RNASET2: variants seen among roughly 807,000 people sequenced by gnomAD.
RNASET2 encodes the protein ribonuclease T2.
A neutral mutation model predicts 33.9 loss-of-function variants in RNASET2; 28 were observed. The observed-to-expected ratio is 0.83, with a 90% CI of 0.61 to 1.13. The LOEUF (loss-of-function observed/expected upper bound fraction) is 1.13. RNASET2 is among the 50% of genes most tolerant of loss of function. The probability of loss-of-function intolerance (pLI) is 0.00; values close to 1 mark genes in which losing one functional copy is unlikely to be tolerated. For synonymous variants in RNASET2, 123 were observed against 121.0 expected (o/e 1.02, Z -0.11); for missense variants, 330 against 319.9 (o/e 1.03, Z -0.24).
chr6:166,944,464 T>G (rs1778778334), intron 4 of RNASET2, among the ~76,000 whole-genome samples: 1 of 147,868 alleles, frequency 6.8e-6, no homozygotes, highest in Admixed American at 6.7e-5. Context: ...CCCCTCCTCT[T>G]CCCCTCCAGC....
intron 6 of RNASET2, among the ~76,000 whole-genome samples, chr6:166,938,124 C>T (rs950711846): frequency 5.9e-5 from 9 of 152,232 alleles, no homozygotes; most frequent in Admixed American, 4.6e-4. Context: ...AAACAAGCTG[C>T]GTGAATTCCA....
At chr6:166,946,954 G>A (rs1778862024) in intron 3 of RNASET2, 1 of 620,712 alleles carries the variant, frequency 1.6e-6, no homozygotes, top group Non-Finnish European at 2.9e-6. Flanking sequence ...AAGAAATTGT[G>A]TTAAACCGTC....
At position 166,929,612 on chromosome 6, in the gene RNASET2, G is replaced by A. The variant is rs76894173; in HGVS notation, c.747C>T (p.Pro249=). 2.5e-6 allele frequency: 4 copies of A among 1,613,978 alleles called. No individual in the cohort carries two copies. In the African/African-American group the frequency reaches 4.0e-5, roughly 16 times the overall value. ...ATCAATGCTTGGTCTTTTTAGGTGGGGGATAGAAGACTGGGCCATCTTCAC... is the reference window on the plus strand; with the variant it reads ...ATCAATGCTTGGTCTTTTTAGGTGGAGGATAGAAGACTGGGCCATCTTCAC... The part of the protein sequence containing the change: ...RVCEDGPVFY[P]PPKKTKH The change falls in exon 9 of 9, where the codon CCC becomes CCT. Residue 249 remains proline (P), a synonymous_variant. Transcript: ENST00000508775.
At chr6:166,950,364 C>T (rs73041490) in intron 2 of RNASET2, among the ~76,000 whole-genome samples, 6,572 of 152,190 alleles carry the variant, frequency 0.043, 259 homozygotes, top group African/African-American at 0.1. Context: ...GCAGCAGGAG[C>T]GCAACATTAA....
Position 166,925,136 on chromosome 6 carries a change from G to A in RNASET2, c.*4452C>T, listed in dbSNP as rs572744864. On this transcript the variant is annotated 3_prime_UTR_variant, in exon 9 of 9. Transcript: ENST00000508775. ...GCACAGCCCTCACCTCTGCTGCCCA[G>A]GCCTCATCTACGCCATCCAGCCCTC... Among the ~76,000 whole-genome samples the A allele has an allele frequency of 6.0e-5, 9 of 150,748 alleles. No individual in the cohort carries two copies. The highest frequency in any genetic ancestry group is 2.2e-4 in the African/African-American group (9 of 40,526).
At chr6:166,939,768 A>G (rs991232781) in intron 5 of RNASET2, among the ~76,000 whole-genome samples, 21 of 152,250 alleles carry the variant, frequency 1.4e-4, no homozygotes, top group African/African-American at 4.8e-4. Context: ...TTATAGTTTA[A>G]GCATCCATTC....
At chr6:166,938,785 C>A (rs769059805) in intron 6 of RNASET2, 110 bp downstream of exon 6, 2 of 796,972 alleles carry the variant, frequency 2.5e-6, no homozygotes, top group East Asian at 4.9e-5. Flanking sequence ...CATGCAGAAG[C>A]TGCTGGAGGG....
chr6:166,946,448 C>T (rs770240830), intron 4 of RNASET2, among the ~76,000 whole-genome samples: 3 of 152,216 alleles, frequency 2.0e-5, no homozygotes, highest in Non-Finnish European at 4.4e-5. Context: ...CGCTCAGGCC[C>T]CTCATGCAGT....
At position 166,929,413 on chromosome 6, in the gene RNASET2, T is replaced by C; in HGVS notation, c.*175A>G. 2.8e-6 allele frequency: 2 copies of C among 713,842 alleles called. No individual in the cohort carries two copies. The highest frequency in any genetic ancestry group is 1.7e-5 in the South Asian group (1 of 59,314). 44.2% of individuals were successfully genotyped at this position (713,842 alleles called of 1,614,324 possible). ...AGCCACTCAGGCGTGGGAGAGCTCC[T>C]TTCTCCCCGTGTACGCCACATGCAC... On this transcript the variant is annotated 3_prime_UTR_variant, in exon 9 of 9. Coordinates refer to ENST00000508775, the MANE Select transcript of RNASET2 (RefSeq NM_003730.6).
chr6:166,955,298 G>C (rs1442856482), intron 1 of RNASET2, among the ~76,000 whole-genome samples: 1 of 31,946 alleles, frequency 3.1e-5, no homozygotes, highest in African/African-American at 1.8e-4. Flanking sequence ...ACGCACAGAC[G>C]CGCACACACG....
intron 1 of RNASET2, among the ~76,000 whole-genome samples, chr6:166,955,257 G>GCACACACGCACA (rs1446017013): frequency 2.8e-4 from 26 of 92,044 alleles, no homozygotes; most frequent in African/African-American, 1.4e-3. Context: ...ACGCACACAC[G>GCACACACGCACA]CACACACACA....
chr6:166,949,457 C>T (rs1325603049), intron 2 of RNASET2, among the ~76,000 whole-genome samples: 2 of 135,594 alleles, frequency 1.5e-5, no homozygotes, highest in Non-Finnish European at 3.1e-5. Context: ...GCCGAGATCG[C>T]GCCACTGCAC....
intron 1 of RNASET2, among the ~76,000 whole-genome samples, chr6:166,953,879 C>CAAAAAAAAAAAAAAAAAAAAAA (rs548523987): frequency 1.8e-4 from 20 of 110,712 alleles, no homozygotes; most frequent in African/African-American, 5.9e-4. Context: ...GACCCTGTCT[C>CAAAAAAAAAAAAAAAAAAAAAA]AAAAAAAAAA....
chr6:166,928,748 C>T lies in RNASET2; in HGVS notation c.*840G>A, dbSNP rs941547379. Among the ~76,000 whole-genome samples the T allele has an allele frequency of 1.3e-5, 2 of 152,188 alleles. No individual in the cohort carries two copies. The highest frequency in any genetic ancestry group is 4.8e-5 in the African/African-American group (2 of 41,446). On this transcript the variant is annotated 3_prime_UTR_variant, in exon 9 of 9. Coordinates refer to ENST00000508775, the MANE Select transcript of RNASET2 (RefSeq NM_003730.6). ...AAATCCCTGCACGGCAGGCCGAGAG[C>T]GTGGGTGCAGCAGTCTGCCTGACGT... is the stretch of plus-strand genomic sequence containing the variant.
rs560325737 is a variant in RNASET2 at position 166,930,729 on chromosome 6, A to G, written c.567+315T>C. Among the ~76,000 whole-genome samples, 92 of 150,762 alleles carry G rather than the reference A, an allele frequency of 6.1e-4. 1 individual carries two copies. In the East Asian group the frequency reaches 0.015, roughly 24 times the overall value. On this transcript the variant is annotated intron_variant, in intron 8 of 8. Coordinates refer to ENST00000508775, the MANE Select transcript of RNASET2 (RefSeq NM_003730.6). ...ATGCATGTACATGCACACACAGCACATGCCCACATAATGTACACACATGCA... is the reference window on the plus strand; with the variant it reads ...ATGCATGTACATGCACACACAGCACGTGCCCACATAATGTACACACATGCA...
Position 166,956,136 on chromosome 6 carries a change from A to C in RNASET2, c.47T>G (p.Leu16Arg), listed in dbSNP as rs1157636131. The change falls in exon 1 of 9, where the codon CTG (leucine) becomes CGG (arginine). Residue 16 changes from leucine (L) to arginine (R), a missense_variant. Transcript: ENST00000508775. Reference sequence around the variant, plus strand: ...CGCACCGCCCAGGCAAAGCAACGCCAGGCAGAGGCAGCCCAGCAGGGCCCC... The same window carrying C: ...CGCACCGCCCAGGCAAAGCAACGCCCGGCAGAGGCAGCCCAGCAGGGCCCC... The part of the protein sequence containing the change: ...LRGALLGCLC[L>R]ALLCLGGADK... 6.4e-7 allele frequency: 1 copy of C among 1,551,606 alleles called. No homozygotes were observed. The highest frequency in any genetic ancestry group is 2.0e-5 in the Admixed American group (1 of 51,078).
chr6:166,932,569 C>T (rs2128644306), intron 7 of RNASET2: 1 of 152,382 alleles, frequency 6.6e-6, no homozygotes, highest in Admixed American at 6.5e-5. Flanking sequence ...GGTGCTCCCG[C>T]AGCCCTGATT....
intron 3 of RNASET2, among the ~76,000 whole-genome samples, chr6:166,947,592 C>T (rs775547760): frequency 6.6e-5 from 10 of 152,270 alleles, no homozygotes; most frequent in Admixed American, 4.6e-4. Flanking sequence ...GAGGACACCA[C>T]GCAAAGTCTA....
chr6:166,955,211 ACGCACACACG>A lies in RNASET2; in HGVS notation c.86+876_86+885del, dbSNP rs1445255780. Among the ~76,000 whole-genome samples the A allele has an allele frequency of 3.9e-4, 36 of 92,826 alleles. 1 individual carries two copies. The highest frequency in any genetic ancestry group is 5.9e-4 in the Non-Finnish European group (30 of 51,278). 60.9% of individuals were successfully genotyped at this position (92,826 alleles called of 152,430 possible). A position where few individuals can be genotyped will look rare whatever the true frequency, so the allele number is the denominator to read the frequency against. Reference sequence around the variant, plus strand: ...CACGCACACACGCACGCACACACGCACGCACACACGCGCACACACGCACGCACGCACACAC... The same window carrying A: ...CACGCACACACGCACGCACACACGCACGCACACACGCACGCACGCACACAC... On this transcript the variant is annotated intron_variant, in intron 1 of 8. Coordinates refer to ENST00000508775, the MANE Select transcript of RNASET2 (RefSeq NM_003730.6).
Sources: gnomAD v4.1 joint callset for allele counts (sites outside exome capture counted in the v4.1 genomes callset) on GRCh38, gnomAD v4.1.1 for gene constraint, MANE v1.5 for transcripts, NCBI Gene and HGNC (gene_info 2026-07-23, HGNC 2026-07-21) for gene names.